SIPA1L1: variants seen among roughly 807,000 people sequenced by gnomAD.
SIPA1L1 encodes the protein signal induced proliferation associated 1 like 1.
In SIPA1L1, 26 loss-of-function variants were observed where a neutral mutation model predicts 162.7. The observed-to-expected ratio is 0.16, with a 90% CI of 0.12 to 0.22. The LOEUF (loss-of-function observed/expected upper bound fraction) is 0.22, where lower values mean the gene tolerates loss of function less well. Ranked by LOEUF, SIPA1L1 falls within the 10% of genes least tolerant of loss-of-function variation. The pLI, the probability that SIPA1L1 is intolerant of heterozygous loss-of-function variation, is 1.00. For synonymous variants in SIPA1L1, 829 were observed against 837.4 expected, an observed-to-expected ratio of 0.99 and a Z score of 0.17; for missense variants, 1,874 against 2,241.0, an observed-to-expected ratio of 0.84 and a Z score of 3.31.
chr14:71,599,425 T>G (rs2036463189), intron 5 of SIPA1L1, among the ~76,000 whole-genome samples: 1 of 151,724 alleles, frequency 6.6e-6, no homozygotes. Flanking sequence ...GTGCTGAGAT[T>G]ACAGGCATGA....
intron 2 of SIPA1L1, among the ~76,000 whole-genome samples, chr14:71,419,363 A>G (rs1218027795): frequency 6.6e-6 from 1 of 150,976 alleles, no homozygotes; most frequent in Non-Finnish European, 1.5e-5. Flanking sequence ...TTTGATAAAT[A>G]TCTGTCTTTG....
At position 71,559,065 on chromosome 14, in the gene SIPA1L1, CTT is replaced by C. The variant is rs113879891; in HGVS notation, c.-302-28491_-302-28490del. Reference sequence around the variant, plus strand: ...CTACTCAATCGTAATTTCAGCTTTACTTTTTTTTTTTTTTTTCTTGAGATGGA... The same window carrying C: ...CTACTCAATCGTAATTTCAGCTTTACTTTTTTTTTTTTTTCTTGAGATGGA... On this transcript the variant is annotated intron_variant, in intron 4 of 23. Coordinates refer to ENST00000381232, the MANE Select transcript of SIPA1L1 (RefSeq NM_001386936.1). 5.4e-3 allele frequency among the ~76,000 whole-genome samples: 768 copies of C among 141,256 alleles called. 9 individuals carry two copies. Among genetic ancestry groups the C allele is most frequent in the African/African-American group, 0.019 (741 of 38,722 alleles). 92.7% of individuals were successfully genotyped at this position (141,256 alleles called of 152,430 possible). A position where few individuals can be genotyped will look rare whatever the true frequency, so the allele number is the denominator to read the frequency against.
rs1207834579 is a variant in SIPA1L1 at position 71,685,448 on chromosome 14, A to G, written c.3191A>G (p.Asn1064Ser). 6.2e-7 allele frequency: 1 copy of G among 1,614,088 alleles called. No individual in the cohort carries two copies. Among genetic ancestry groups the G allele is most frequent in the African/African-American group, 1.3e-5 (1 of 74,934 alleles). The change falls in exon 13 of 24, where the codon AAT becomes AGT. Residue 1064 changes from asparagine (N) to serine (S), a missense_variant. Physicochemically the swap from Asn to Ser is conservative, Grantham distance 46. Coordinates refer to ENST00000381232, the MANE Select transcript of SIPA1L1 (RefSeq NM_001386936.1). ...TACGAATTCAAGTTTCCCTTCCGAA[A>G]TAATAACAAGTGGCAGAGGAACGCC... ...VSYEFKFPFR[N>S]NNKWQRNASK... is the part of the protein sequence containing the mutation.
intron 2 of SIPA1L1, among the ~76,000 whole-genome samples, chr14:71,411,021 A>C (rs1250401175): frequency 6.6e-6 from 1 of 152,054 alleles, no homozygotes; most frequent in Non-Finnish European, 1.5e-5. Flanking sequence ...TAATTTTCAT[A>C]TTTCTCAGAA....
intron 5 of SIPA1L1, among the ~76,000 whole-genome samples, chr14:71,616,769 A>T (rs966727823): frequency 1.3e-5 from 2 of 152,176 alleles, no homozygotes; most frequent in Non-Finnish European, 2.9e-5. Flanking sequence ...AGAATAGAGC[A>T]TGTTTGCCAC....
At chr14:71,406,680 A>G (rs1474870527) in intron 2 of SIPA1L1, among the ~76,000 whole-genome samples, 2 of 152,000 alleles carry the variant, frequency 1.3e-5, no homozygotes, top group Admixed American at 1.3e-4. Context: ...ATGTTTCAGG[A>G]TTTTCCCATT....
At chr14:71,578,300 T>A (rs1033674708) in intron 4 of SIPA1L1, among the ~76,000 whole-genome samples, 1 of 152,096 alleles carries the variant, frequency 6.6e-6, no homozygotes, top group Non-Finnish European at 1.5e-5. Context: ...ACTCCTGAGC[T>A]CAAGTGATCC....
chr14:71,489,065 G>A lies in SIPA1L1; in HGVS notation c.-464-23678G>A, dbSNP rs1047119922. Among the ~76,000 whole-genome samples the A allele has an allele frequency of 1.6e-4, 24 of 152,310 alleles. No homozygotes were observed. In the South Asian group the frequency reaches 1.9e-3, roughly 12 times the overall value. ...TTGTGTATAAAATGAACTTTGTTTG[G>A]ACCATTCCACAAGCAACTTAAACTG... On this transcript the variant is annotated intron_variant, in intron 2 of 23. Coordinates refer to ENST00000381232, the MANE Select transcript of SIPA1L1 (RefSeq NM_001386936.1).
chr14:71,429,322 T>C (rs2043812974), intron 2 of SIPA1L1, among the ~76,000 whole-genome samples: 1 of 152,170 alleles, frequency 6.6e-6, no homozygotes, highest in African/African-American at 2.4e-5. Flanking sequence ...TTTGGTACTT[T>C]TATTTTTATT....
chr14:71,328,971 T>C (rs2034173339), intron 2 of SIPA1L1, among the ~76,000 whole-genome samples: 1 of 152,210 alleles, frequency 6.6e-6, no homozygotes, highest in South Asian at 2.1e-4. Flanking sequence ...CATCATTCTT[T>C]CTGTTTCTAT....
chr14:71,473,769 A>T (rs1044365366), intron 2 of SIPA1L1, among the ~76,000 whole-genome samples: 2 of 152,244 alleles, frequency 1.3e-5, no homozygotes, highest in African/African-American at 4.8e-5. Context: ...GAGAAAAATA[A>T]CTTGAGAACA....
At chr14:71,659,868 T>C (rs575858170) in intron 9 of SIPA1L1, among the ~76,000 whole-genome samples, 4 of 152,236 alleles carry the variant, frequency 2.6e-5, no homozygotes, top group African/African-American at 9.6e-5. Context: ...AAGAAATTGG[T>C]ACTGCAACAT....
chr14:71,321,208 G>A (rs1244498612), intron 2 of SIPA1L1, 27 bp downstream of exon 2: 1 of 152,214 alleles, frequency 6.6e-6, no homozygotes, highest in Non-Finnish European at 1.5e-5. Flanking sequence ...CCCGGGTCCT[G>A]GGGGGAGCGG....
At chr14:71,450,829 T>G (rs1156910964) in intron 2 of SIPA1L1, among the ~76,000 whole-genome samples, 1 of 152,246 alleles carries the variant, frequency 6.6e-6, no homozygotes, top group East Asian at 1.9e-4. Context: ...ATAGCCATTA[T>G]GCAAAACAAT....
intron 2 of SIPA1L1, among the ~76,000 whole-genome samples, chr14:71,338,578 C>T (rs558287371): frequency 1.8e-4 from 27 of 152,130 alleles, no homozygotes; most frequent in African/African-American, 5.5e-4. Context: ...CACAGTCATC[C>T]GGGGGCATTT....
At chr14:71,432,315 C>T (rs182509834) in intron 2 of SIPA1L1, among the ~76,000 whole-genome samples, 1 of 152,188 alleles carries the variant, frequency 6.6e-6, no homozygotes, top group East Asian at 1.9e-4. Context: ...TCAAGCAATC[C>T]TCCTGCCTCG....
At chr14:71,495,880 T>A (rs1346543694) in intron 2 of SIPA1L1, among the ~76,000 whole-genome samples, 1 of 89,154 alleles carries the variant, frequency 1.1e-5, no homozygotes, top group Non-Finnish European at 1.9e-5. Flanking sequence ...TGACACTCCA[T>A]CTCTACAAAA....
chr14:71,701,829 TAC>T (rs1246772862), intron 14 of SIPA1L1, among the ~76,000 whole-genome samples: 1 of 152,224 alleles, frequency 6.6e-6, no homozygotes, highest in Non-Finnish European at 1.5e-5. Flanking sequence ...TTAAAATTTA[TAC>T]AGTTTGAACG....
At chr14:71,466,352 C>T (rs1245997486) in intron 2 of SIPA1L1, among the ~76,000 whole-genome samples, 1 of 152,162 alleles carries the variant, frequency 6.6e-6, no homozygotes, top group Non-Finnish European at 1.5e-5. Flanking sequence ...GGGAGACTCA[C>T]TTGAAGACAG....
Sources: gnomAD v4.1 joint callset for allele counts (sites outside exome capture counted in the v4.1 genomes callset) on GRCh38, gnomAD v4.1.1 for gene constraint, MANE v1.5 for transcripts, NCBI Gene and HGNC (gene_info 2026-07-23, HGNC 2026-07-21) for gene names.